SARAF: variants seen among roughly 807,000 people sequenced by gnomAD.
The protein encoded by SARAF is store-operated calcium entry-associated regulatory factor.
SARAF carries 23 observed loss-of-function variants against 39.7 expected under a neutral mutation model. The observed-to-expected ratio is 0.58, with a 90% confidence interval of 0.42 to 0.82. The LOEUF is 0.82. SARAF is among the 40% of genes least tolerant of loss of function. The pLI is 0.00. For missense variants in SARAF, 384 were observed against 418.5 expected (o/e 0.92, Z 0.72); for synonymous variants, 175 against 168.5 (o/e 1.04, Z -0.30).
chr8:30,064,349 C>G (rs1801623190), intron 5 of SARAF, among the ~76,000 whole-genome samples: 1 of 151,852 alleles, frequency 6.6e-6, no homozygotes. Flanking sequence ...CGCACACACA[C>G]AGGCTACAGG....
chr8:30,064,728 A>C (rs1002935716), intron 5 of SARAF, among the ~76,000 whole-genome samples: 3 of 151,140 alleles, frequency 2.0e-5, no homozygotes, highest in Non-Finnish European at 4.4e-5. Context: ...ACACCCAGCT[A>C]ATTTTTGTAT....
chr8:30,082,950 G>T lies in SARAF; in HGVS notation c.-1C>A. 1 of 1,542,008 alleles carries T rather than the reference G, an allele frequency of 6.5e-7. No individual in the cohort carries two copies. Among genetic ancestry groups the T allele is most frequent in the Non-Finnish European group, 8.7e-7 (1 of 1,144,584 alleles). On this transcript the variant is annotated 5_prime_UTR_variant, in exon 1 of 6. Transcript: ENST00000256255. ...CTCCCGGCCCGCAGGCTGCGGCCAT[G>T]GCGCTCGATGAAGATGGCGCCGGGC...
rs761593277 is a variant in SARAF, at chr8:30,065,971, G to T, written c.994+17C>A. 6.5e-7 allele frequency: 1 copy of T among 1,547,720 alleles called. No individual in the cohort carries two copies. The highest frequency in any genetic ancestry group is 8.8e-7 in the Non-Finnish European group (1 of 1,130,704). ...CTTTACTCCTAGGTAAAAGGAACTT[G>T]TATTTTTTGCTCTTACCTGATGCAG... On this transcript the variant is annotated intron_variant, in intron 5 of 5. Transcript: ENST00000256255.
chr8:30,078,355 C>T, intron 1 of SARAF: 1 of 392,630 alleles, frequency 2.5e-6, no homozygotes, highest in Admixed American at 3.5e-5. Flanking sequence ...ACTGAAAGGG[C>T]CCAACAAATA....
Position 30,069,883 on chromosome 8 carries a change from G to A in SARAF, c.459C>T (p.His153=), listed in dbSNP as rs150629797. 683 of 1,614,124 alleles carry A rather than the reference G, an allele frequency of 4.2e-4. 1 individual carries two copies. Among genetic ancestry groups the A allele is most frequent in the Admixed American group, 1.2e-3 (71 of 60,024 alleles). Residue 153 remains histidine (H), a synonymous_variant, in exon 3 of 6, where the codon CAC becomes CAT. Coordinates refer to ENST00000256255, the MANE Select transcript of SARAF (RefSeq NM_016127.6). ...LQKLKESGKQ[H]GFASFSDYYY... is the part of the protein sequence containing the mutation. The stretch of plus-strand genomic sequence containing the variant: ...AATAATCAGAGAAAGAGGCAAAGCC[G>A]TGCTGCTTTCCAGACTCCTTCAGTT...
At chr8:30,067,154 C>A (rs545599949) in intron 3 of SARAF, 2 of 491,758 alleles carry the variant, frequency 4.1e-6, no homozygotes, top group Non-Finnish European at 7.3e-6. Context: ...TGGGGAGGGT[C>A]TTGCTATAAA....
chr8:30,070,363 G>A (rs528025220), intron 2 of SARAF, among the ~76,000 whole-genome samples: 5 of 152,064 alleles, frequency 3.3e-5, no homozygotes, highest in East Asian at 1.9e-4. Flanking sequence ...AGCTGAGATC[G>A]TGATTGCACT....
At chr8:30,068,216 T>C (rs374457596) in intron 3 of SARAF, among the ~76,000 whole-genome samples, 8 of 152,316 alleles carry the variant, frequency 5.3e-5, no homozygotes, top group African/African-American at 1.4e-4. Context: ...CATCTCTATT[T>C]AAAGCCACTC....
chr8:30,073,021 G>A (rs1339299476), intron 2 of SARAF, among the ~76,000 whole-genome samples: 4 of 152,274 alleles, frequency 2.6e-5, no homozygotes, highest in African/African-American at 7.2e-5. Context: ...AAGTAAAGTG[G>A]AGTGAGACTT....
chr8:30,066,122 G>A lies in SARAF; in HGVS notation c.860C>T (p.Ser287Leu), dbSNP rs1250167642. 1.9e-6 allele frequency: 3 copies of A among 1,614,134 alleles called. No individual in the cohort carries two copies. In the South Asian group the frequency reaches 3.3e-5, roughly 18 times the overall value. Residue 287 changes from serine to leucine, a missense_variant, in exon 5 of 6, where the codon TCA becomes TTA. Ser to Leu is a moderately radical substitution (Grantham distance 145). Coordinates refer to ENST00000256255, the MANE Select transcript of SARAF (RefSeq NM_016127.6). ...ATAGGACGGGTAGTACCACGAGTCT[G>A]AGAAGGGTGTTGCCGCTCTTTAAAG... The part of the protein sequence containing the change: ...FGSNRAATPF[S>L]DSWYYPSYPP...
chr8:30,064,431 C>G (rs1801625085), intron 5 of SARAF, among the ~76,000 whole-genome samples: 1 of 150,210 alleles, frequency 6.7e-6, no homozygotes, highest in Non-Finnish European at 1.5e-5. Context: ...TTATGATTTT[C>G]TTTCATATAA....
At position 30,069,833 on chromosome 8, in the gene SARAF, G is replaced by C. The variant is rs1801790494; in HGVS notation, c.509C>G (p.Ser170Cys). The change falls in exon 3 of 6, where the codon TCC becomes TGC. Residue 170 changes from serine to cysteine, a missense_variant. Transcript: ENST00000256255. ...DYYYKWSSAD[S>C]CNMSGLITIV... ...GGTAATCAATCCACTCATGTTACAG[G>C]AATCCGCCGAGGACCACTTATAATA... The C allele has an allele frequency of 6.2e-7, 1 of 1,614,022 alleles. No individual in the cohort carries two copies. The highest frequency in any genetic ancestry group is 1.7e-5 in the Admixed American group (1 of 60,002).
chr8:30,067,057 AT>A, intron 3 of SARAF, 139 bp from the exon 4 acceptor site: 1 of 880,322 alleles, frequency 1.1e-6, no homozygotes, highest in Non-Finnish European at 1.7e-6. Flanking sequence ...AACAAGTTGT[AT>A]TCAAAAAGGT....
At chr8:30,083,078 G>A, upstream of SARAF, 7 of 617,084 alleles carry the variant, frequency 1.1e-5, no homozygotes, top group Admixed American at 3.8e-5. Flanking sequence ...CGACTGCAGA[G>A]CTGCAGCCGC....
Position 30,082,991 on chromosome 8 carries a change from G to C in SARAF, c.-42C>G. On this transcript the variant is annotated 5_prime_UTR_variant, in exon 1 of 6. Coordinates refer to ENST00000256255, the MANE Select transcript of SARAF (RefSeq NM_016127.6). ...GGCGCCGGGCTGCCAGACGCCTACG[G>C]GCCGAACCTGGGTGCGGTAGCGCGC... 1 of 1,461,354 alleles carries C rather than the reference G, an allele frequency of 6.8e-7. No individual in the cohort carries two copies. The highest frequency in any genetic ancestry group is 9.2e-7 in the Non-Finnish European group (1 of 1,081,940). The allele number at this position is 1,461,354 out of a possible 1,614,324, so 90.5% of individuals were successfully genotyped here. A position where few individuals can be genotyped will look rare whatever the true frequency, so the allele number is the denominator to read the frequency against.
chr8:30,078,098 C>T, intron 1 of SARAF: 2 of 262,896 alleles, frequency 7.6e-6, no homozygotes, highest in Middle Eastern at 1.6e-3. Flanking sequence ...CGAGATGGTG[C>T]CACTGCACTC....
chr8:30,069,193 G>A (rs2117425953), intron 3 of SARAF, among the ~76,000 whole-genome samples: 1 of 132,756 alleles, frequency 7.5e-6, no homozygotes, highest in South Asian at 2.4e-4. Context: ...AGGCTGGAGT[G>A]CAGTGGCGCA....
In SARAF at chr8:30,065,655, T is replaced by C. The variant is rs1349496781; in HGVS notation, c.994+333A>G. ...ACCTCAATATCTTTTTTGAATGTTA[T>C]TGAATTTTAAGTTTAAGCTTCTACT... On this transcript the variant is annotated intron_variant, in intron 5 of 5. Transcript: ENST00000256255. The C allele has an allele frequency of 1.7e-5, 4 of 231,240 alleles. No homozygotes were observed. In the East Asian group the frequency reaches 3.1e-4, roughly 18 times the overall value. 14.3% of individuals were successfully genotyped at this position (231,240 alleles called of 1,614,324 possible).
chr8:30,064,279 A>G (rs1413344469), intron 5 of SARAF, among the ~76,000 whole-genome samples: 1 of 152,132 alleles, frequency 6.6e-6, no homozygotes, highest in African/African-American at 2.4e-5. Flanking sequence ...CAGTGGTAAG[A>G]GACGTAATGT....
Sources: gnomAD v4.1 joint callset for allele counts (sites outside exome capture counted in the v4.1 genomes callset) on GRCh38, gnomAD v4.1.1 for gene constraint, MANE v1.5 for transcripts, NCBI Gene and HGNC (gene_info 2026-07-23, HGNC 2026-07-21) for gene names.